Variants in TET3 observed in about 807,000 individuals in gnomAD.
TET3 encodes the protein tet methylcytosine dioxygenase 3, also known as methylcytosine dioxygenase TET3.
A neutral mutation model predicts 141.4 loss-of-function variants in TET3; 19 were observed. The observed-to-expected ratio is 0.13, with a 90% CI of 0.09 to 0.20. The LOEUF (loss-of-function observed/expected upper bound fraction) is 0.20. TET3 is among the 10% of genes least tolerant of loss of function. The probability of loss-of-function intolerance (pLI) is 1.00; values close to 1 mark genes in which losing one functional copy is unlikely to be tolerated. For synonymous variants in TET3, 1,043 were observed against 980.9 expected, an observed-to-expected ratio of 1.06 and a Z score of -1.18; for missense variants, 1,874 against 2,356.9, an observed-to-expected ratio of 0.80 and a Z score of 4.24.
chr2:74,135,054 C>CA, the TET3 span: 1 of 233,552 alleles, frequency 4.3e-6, no homozygotes, highest in Non-Finnish European at 8.6e-6. Flanking sequence ...TACCAAGAAT[C>CA]AAAGGGTGGA....
chr2:74,012,470 T>C (rs1271945207), intron 3 of TET3, among the ~76,000 whole-genome samples: 2 of 152,192 alleles, frequency 1.3e-5, no homozygotes, highest in African/African-American at 4.8e-5. Flanking sequence ...AGTTCTCTCT[T>C]AGTTTTCAGG....
chr2:74,058,365 A>G (rs369454484), intron 4 of TET3, among the ~76,000 whole-genome samples: 8 of 152,198 alleles, frequency 5.3e-5, no homozygotes, highest in African/African-American at 1.9e-4. Context: ...AGTGTGGAGC[A>G]AACTGAACAA....
chr2:74,042,905 T>C (rs1687418236), intron 3 of TET3, among the ~76,000 whole-genome samples: 1 of 152,248 alleles, frequency 6.6e-6, no homozygotes, highest in Non-Finnish European at 1.5e-5. Context: ...TTACCTCATA[T>C]CTACATCTAC....
intron 10 of TET3, among the ~76,000 whole-genome samples, chr2:74,098,738 C>T (rs969381396): frequency 1.4e-4 from 22 of 151,976 alleles, no homozygotes; most frequent in Admixed American, 7.9e-4. Flanking sequence ...GGATTACAGG[C>T]GCATGCCACC....
At chr2:74,023,321 C>T (rs1326977613) in intron 3 of TET3, among the ~76,000 whole-genome samples, 1 of 152,188 alleles carries the variant, frequency 6.6e-6, no homozygotes, top group Non-Finnish European at 1.5e-5. Flanking sequence ...TGGCTCACTG[C>T]AGCCTCCACC....
In TET3 at chr2:74,103,098, C is replaced by T. The variant is rs2104247550; in HGVS notation, c.*922C>T. On this transcript the variant is annotated 3_prime_UTR_variant, in exon 12 of 12. Coordinates refer to ENST00000409262, the MANE Select transcript of TET3 (RefSeq NM_001287491.2). ...CGAGGTTCTTAGGGGCCGTGCCCAC[C>T]ATGTTGCCAAGCCAATGCATGCTGA... The T allele has an allele frequency of 6.6e-6, 1 of 152,332 alleles. No homozygotes were observed. The highest frequency in any genetic ancestry group is 2.1e-4 in the South Asian group (1 of 4,830). 9.4% of individuals were successfully genotyped at this position (152,332 alleles called of 1,614,324 possible).
chr2:74,013,798 C>T (rs10182376), intron 3 of TET3, among the ~76,000 whole-genome samples: 5,760 of 151,966 alleles, frequency 0.038, 196 homozygotes, highest in East Asian at 0.1. Flanking sequence ...GGCGACAGAG[C>T]GAGACTCCAT....
chr2:74,101,402 G>T lies in TET3; in HGVS notation c.4614G>T (p.Gly1538=). 6.2e-7 allele frequency: 1 copy of T among 1,613,964 alleles called. No individual in the cohort carries two copies. ...PSLTEKPWAL[G]AGDFNSALKG... is the part of the protein sequence containing the mutation. ...TGACTGAGAAGCCGTGGGCGCTGGG[G>T]GCAGGGGATTTCAACTCGGCCCTGA... Residue 1538 remains glycine, a synonymous_variant, in exon 12 of 12, where the codon GGG becomes GGT. Transcript: ENST00000409262. This position sits in a 1 kb window ranked among gnomAD's most constrained non-coding sequence, Gnocchi z 8.5.
At chr2:74,119,819 C>A in the TET3 span, among the ~76,000 whole-genome samples, 1 of 152,148 alleles carries the variant, frequency 6.6e-6, no homozygotes, top group Non-Finnish European at 1.5e-5. Flanking sequence ...TTTGAAAAAG[C>A]ATCTTTACTT....
chr2:74,067,067 A>C (rs762848344), intron 4 of TET3, among the ~76,000 whole-genome samples: 1 of 151,890 alleles, frequency 6.6e-6, no homozygotes, highest in Non-Finnish European at 1.5e-5. Context: ...CACTGCCTCC[A>C]TCACCCACAT....
the TET3 span, among the ~76,000 whole-genome samples, chr2:74,118,605 G>A: frequency 2.8e-4 from 42 of 152,232 alleles, no homozygotes; most frequent in Admixed American, 2.1e-3. Context: ...GAGTCAAAAT[G>A]TATATGTGGG....
intron 3 of TET3, among the ~76,000 whole-genome samples, chr2:74,045,731 A>G (rs149431246): frequency 1.3e-5 from 2 of 152,280 alleles, no homozygotes; most frequent in East Asian, 3.9e-4. Context: ...AAGTGAGGAC[A>G]GTTTTAGGGG....
rs530056829 is a variant in TET3 at position 74,107,282 on chromosome 2, G to C, written c.*5106G>C. ...TAGGCTTCTCCCCTGAGCAGAGACCGCAGCACAGAAATGCAAGGTCTAAAG... is the reference window on the plus strand; with the variant it reads ...TAGGCTTCTCCCCTGAGCAGAGACCCCAGCACAGAAATGCAAGGTCTAAAG... On this transcript the variant is annotated 3_prime_UTR_variant, in exon 12 of 12. Transcript: ENST00000409262. 6.6e-6 allele frequency: 1 copy of C among 152,264 alleles called. No homozygotes were observed. The highest frequency in any genetic ancestry group is 1.9e-4 in the East Asian group (1 of 5,200). 9.4% of individuals were successfully genotyped at this position (152,264 alleles called of 1,614,324 possible). A position where few individuals can be genotyped will look rare whatever the true frequency, so the allele number is the denominator to read the frequency against.
intron 5 of TET3, among the ~76,000 whole-genome samples, chr2:74,079,209 T>C (rs1689672712): frequency 6.6e-6 from 1 of 152,084 alleles, no homozygotes; most frequent in South Asian, 2.1e-4. Flanking sequence ...TAGCTGGGCG[T>C]GGTGGCAGGC....
chr2:74,054,558 T>G (rs1488404416), intron 4 of TET3, among the ~76,000 whole-genome samples: 1 of 152,170 alleles, frequency 6.6e-6, no homozygotes, highest in Non-Finnish European at 1.5e-5. Flanking sequence ...GGCAGACTGA[T>G]GGTAACTGAA....
In TET3 at chr2:74,093,401, C is replaced by A; in HGVS notation, c.3130-128C>A. The stretch of plus-strand genomic sequence containing the variant: ...GCCTCTCAGCCAGAAAACCTCCCTC[C>A]TGCAGTCGAAGGGCAAGGTGACTAT... On this transcript the variant is annotated intron_variant, in intron 9 of 11. Transcript: ENST00000409262. This position sits in a 1 kb window ranked among gnomAD's most constrained non-coding sequence, Gnocchi z 4.2. The A allele has an allele frequency of 7.7e-7, 1 of 1,298,578 alleles. No individual in the cohort carries two copies. The highest frequency in any genetic ancestry group is 1.0e-6 in the Non-Finnish European group (1 of 980,206). 80.4% of individuals were successfully genotyped at this position (1,298,578 alleles called of 1,614,324 possible).
chr2:74,073,147 C>T lies in TET3; in HGVS notation c.2495-402C>T, dbSNP rs147740562. Among the ~76,000 whole-genome samples the T allele has an allele frequency of 2.7e-3, 410 of 152,212 alleles. 2 individuals carry two copies. The highest frequency in any genetic ancestry group is 5.0e-3 in the Non-Finnish European group (340 of 68,020). On this transcript the variant is annotated intron_variant, in intron 4 of 11. Coordinates refer to ENST00000409262, the MANE Select transcript of TET3 (RefSeq NM_001287491.2). ...TTTCACTTAACAAAATGTTTTTGGCCGGGTGCGGTGGCTCACTGGAGGGAA... is the reference window on the plus strand; with the variant it reads ...TTTCACTTAACAAAATGTTTTTGGCTGGGTGCGGTGGCTCACTGGAGGGAA...
rs1691128155 is a variant in TET3, at chr2:74,100,518, G to A, written c.3730G>A (p.Gly1244Ser). Residue 1244 changes from glycine (G) to serine (S), a missense_variant, in exon 12 of 12, where the codon GGC (glycine) becomes AGC (serine). Transcript: ENST00000409262. ...NAVVESYSVLGNCRPSDPYSM... is the reference protein window; with the variant it reads ...NAVVESYSVLSNCRPSDPYSM... ...GGTGGTGGAGAGCTACTCGGTGCTG[G>A]GCAACTGCCGGCCCTCCGACCCTTA... is the stretch of plus-strand genomic sequence containing the variant. The A allele has an allele frequency of 6.2e-7, 1 of 1,608,736 alleles. No individual in the cohort carries two copies. The highest frequency in any genetic ancestry group is 8.5e-7 in the Non-Finnish European group (1 of 1,177,648).
At chr2:73,988,158 C>T (rs186686621) in intron 2 of TET3, among the ~76,000 whole-genome samples, 2 of 152,264 alleles carry the variant, frequency 1.3e-5, no homozygotes, top group East Asian at 1.9e-4. Flanking sequence ...GGGTAGTTAT[C>T]GTCCTGCTGG....
Sources: allele counts gnomAD v4.1 joint callset (sites outside exome capture counted in the v4.1 genomes callset), GRCh38; gene constraint gnomAD v4.1.1; non-coding constraint Gnocchi (gnomAD v3.1); transcripts MANE v1.5; gene names NCBI Gene and HGNC (gene_info 2026-07-23, HGNC 2026-07-21).